Variants in GABBR2 observed in about 807,000 individuals in gnomAD.
The protein encoded by GABBR2 is G-protein coupled receptor 51.
Under a neutral mutation model 105.6 loss-of-function variants are expected in GABBR2, and 23 were observed. The observed-to-expected ratio is 0.22, with a 90% CI of 0.16 to 0.31. The LOEUF is 0.31. Ranked by LOEUF, GABBR2 falls within the 10% of genes least tolerant of loss-of-function variation. The pLI, the probability that GABBR2 is intolerant of heterozygous loss-of-function variation, is 1.00. For missense variants in GABBR2, 734 were observed against 1,245.5 expected, an observed-to-expected ratio of 0.59 and a Z score of 6.18; for synonymous variants, 478 against 499.7, an observed-to-expected ratio of 0.96 and a Z score of 0.58.
rs34280193 is a variant in GABBR2 at position 98,444,879 on chromosome 9, G to GCACACACACA, written c.1236+9092_1236+9101dup. ...CATGCATATGCACATGCGCGCGCGC[G>GCACACACACA]CACACACACACACACACACACGCAC... On this transcript the variant is annotated intron_variant, in intron 7 of 18. Transcript: ENST00000259455. Among the ~76,000 whole-genome samples, 9 of 151,046 alleles carry GCACACACACA rather than the reference G, an allele frequency of 6.0e-5. No individual in the cohort carries two copies. In the East Asian group the frequency reaches 1.4e-3, roughly 23 times the overall value.
rs565326137 is a variant in GABBR2 at position 98,378,572 on chromosome 9, G to T, written c.1663-7001C>A. Among the ~76,000 whole-genome samples the T allele has an allele frequency of 5.0e-4, 76 of 152,310 alleles. 4 individuals carry two copies. In the South Asian group the frequency reaches 0.016, roughly 32 times the overall value. ...ATCTTATCCCTGCTCTTCCAAGTGC[G>T]GTCTGGGGATGTGGCATCAGCATCC... On this transcript the variant is annotated intron_variant, in intron 11 of 18. Coordinates refer to ENST00000259455, the MANE Select transcript of GABBR2 (RefSeq NM_005458.8).
intron 13 of GABBR2, among the ~76,000 whole-genome samples, chr9:98,356,927 T>C (rs2131434532): frequency 1.3e-5 from 2 of 152,340 alleles, no homozygotes; most frequent in South Asian, 4.1e-4. Context: ...CTTAAATGCA[T>C]ATTACTAAAT....
chr9:98,516,097 C>A (rs988649044), intron 3 of GABBR2: 2 of 152,362 alleles, frequency 1.3e-5, no homozygotes, highest in Non-Finnish European at 2.9e-5. Flanking sequence ...GTGTTGGGGC[C>A]TCTCTGTGTA....
chr9:98,648,809 A>G (rs1407384877), intron 1 of GABBR2, among the ~76,000 whole-genome samples: 1 of 152,208 alleles, frequency 6.6e-6, no homozygotes. Flanking sequence ...CAGAGGACTC[A>G]GTCTGGTGTC....
chr9:98,544,071 C>A (rs1404840539), intron 2 of GABBR2, among the ~76,000 whole-genome samples: 1 of 147,422 alleles, frequency 6.8e-6, no homozygotes, highest in Non-Finnish European at 1.5e-5. Flanking sequence ...ATCTTTGATC[C>A]AGAGAGGGCA....
chr9:98,523,142 T>C (rs181873289), intron 3 of GABBR2, among the ~76,000 whole-genome samples: 1 of 152,140 alleles, frequency 6.6e-6, no homozygotes, highest in East Asian at 1.9e-4. Flanking sequence ...CTACGCTTAA[T>C]AGCAACCAAA....
intron 6 of GABBR2, among the ~76,000 whole-genome samples, chr9:98,459,975 G>T (rs1826394753): frequency 6.6e-6 from 1 of 152,132 alleles, no homozygotes; most frequent in Non-Finnish European, 1.5e-5. Context: ...TAATTAAAAT[G>T]TACTAGGTAC....
chr9:98,557,409 A>G (rs1243343665), intron 2 of GABBR2, among the ~76,000 whole-genome samples: 1 of 152,198 alleles, frequency 6.6e-6, no homozygotes, highest in African/African-American at 2.4e-5. Flanking sequence ...ATGCAGAGGG[A>G]GCAAACTTAC....
At chr9:98,332,987 G>A (rs77919925) in intron 13 of GABBR2, among the ~76,000 whole-genome samples, 3,216 of 152,260 alleles carry the variant, frequency 0.021, 118 homozygotes, top group African/African-American at 0.074. Context: ...GGGTCTGGGA[G>A]TCAGATTTGA....
intron 8 of GABBR2, among the ~76,000 whole-genome samples, chr9:98,399,391 C>T (rs1038012073): frequency 4.0e-5 from 6 of 151,760 alleles, no homozygotes; most frequent in African/African-American, 1.5e-4. Context: ...GATGCCACTG[C>T]TCTCAGATAT....
chr9:98,371,658 T>C (rs1831785322), intron 11 of GABBR2, 87 bp from the exon 12 acceptor site: 2 of 733,942 alleles, frequency 2.7e-6, no homozygotes, highest in Non-Finnish European at 4.9e-6. Flanking sequence ...AGGGGACTCT[T>C]TATGATGGGG....
At chr9:98,443,427 G>A (rs1826067582) in intron 7 of GABBR2, among the ~76,000 whole-genome samples, 1 of 152,160 alleles carries the variant, frequency 6.6e-6, no homozygotes. Flanking sequence ...AAATTTATCT[G>A]ACAGCAGAAG....
At chr9:98,430,052 C>T (rs577488600) in intron 7 of GABBR2, among the ~76,000 whole-genome samples, 3 of 152,058 alleles carry the variant, frequency 2.0e-5, no homozygotes, top group South Asian at 2.1e-4. Flanking sequence ...TTTGGGAGGC[C>T]GAGGCGGGTG....
intron 1 of GABBR2, among the ~76,000 whole-genome samples, chr9:98,601,761 C>T (rs1287584882): frequency 1.3e-5 from 2 of 152,170 alleles, no homozygotes; most frequent in African/African-American, 2.4e-5. Flanking sequence ...GGGCCAAGGG[C>T]TGGTCATTGT....
Position 98,293,860 on chromosome 9 carries a change from G to A in GABBR2, c.2585C>T (p.Pro862Leu). ...AILKNHLDQN[P>L]QLQWNTTEPS... ...CTCTGTTGTGTTCCACTGTAGCTGG[G>A]GATTTTGATCGAGGTGATTTTTTAA... is the stretch of plus-strand genomic sequence containing the variant. The change falls in exon 18 of 19, where the codon CCC (proline) becomes CTC (leucine). Residue 862 changes from proline to leucine, a missense_variant. This residue lies in a region of GABBR2 where 134 missense variants were observed against 171.2 expected (regional missense o/e 0.78). Transcript: ENST00000259455. The A allele has an allele frequency of 6.2e-7, 1 of 1,612,896 alleles. No homozygotes were observed. The highest frequency in any genetic ancestry group is 8.5e-7 in the Non-Finnish European group (1 of 1,178,980).
intron 13 of GABBR2, among the ~76,000 whole-genome samples, chr9:98,359,339 A>T (rs960462780): frequency 7.9e-5 from 12 of 152,158 alleles, no homozygotes; most frequent in African/African-American, 2.7e-4. Context: ...GAGGCATGAG[A>T]ATCACTTGAA....
chr9:98,386,020 CT>C (rs1218823372), intron 10 of GABBR2, among the ~76,000 whole-genome samples: 4 of 152,120 alleles, frequency 2.6e-5, no homozygotes, highest in African/African-American at 4.8e-5. Context: ...ATGAAAAGCT[CT>C]GGTTTCCTCT....
At chr9:98,408,855 T>C (rs1231403703) in intron 7 of GABBR2, among the ~76,000 whole-genome samples, 2 of 152,228 alleles carry the variant, frequency 1.3e-5, no homozygotes, top group Non-Finnish European at 2.9e-5. Flanking sequence ...TTGTGCGATC[T>C]TGGCTTACTG....
At chr9:98,610,553 G>T (rs1829490892) in intron 1 of GABBR2, among the ~76,000 whole-genome samples, 1 of 152,166 alleles carries the variant, frequency 6.6e-6, no homozygotes, top group South Asian at 2.1e-4. Context: ...TATTCAGGTA[G>T]GCTATAAATC....
Sources: gnomAD v4.1 joint callset for allele counts (sites outside exome capture counted in the v4.1 genomes callset) on GRCh38, gnomAD v4.1.1 for gene constraint, gnomAD v4.1.1 regional missense constraint, MANE v1.5 for transcripts, NCBI Gene and HGNC (gene_info 2026-07-23, HGNC 2026-07-21) for gene names.